RIMS2: variants seen among roughly 807,000 people sequenced by gnomAD.
RIMS2 encodes the protein regulating synaptic membrane exocytosis 2, also known as regulating synaptic membrane exocytosis protein 2.
Under a neutral mutation model 174.4 loss-of-function variants are expected in RIMS2, and 59 were observed. That is an observed-to-expected ratio of 0.34 (90% CI 0.27 to 0.42). The LOEUF (loss-of-function observed/expected upper bound fraction) is 0.42. Among genes scored for constraint, RIMS2 ranks in the 10% least tolerant of loss-of-function variants. The probability of loss-of-function intolerance (pLI) is 1.00; values close to 1 mark genes in which losing one functional copy is unlikely to be tolerated. For missense variants in RIMS2, 1,620 were observed against 1,666.3 expected, an observed-to-expected ratio of 0.97 and a Z score of 0.48; for synonymous variants, 606 against 572.5, an observed-to-expected ratio of 1.06 and a Z score of -0.84.
intron 2 of RIMS2, among the ~76,000 whole-genome samples, chr8:103,717,304 T>C (rs545759670): frequency 3.3e-4 from 42 of 126,304 alleles, no homozygotes; most frequent in Non-Finnish European, 5.4e-4. Flanking sequence ...TTCTTTTTCT[T>C]TCCTTAAAAA....
intron 2 of RIMS2, among the ~76,000 whole-genome samples, chr8:103,720,750 G>A (rs959434570): frequency 6.6e-6 from 1 of 152,146 alleles, no homozygotes; most frequent in Non-Finnish European, 1.5e-5. Flanking sequence ...AAGAATATAG[G>A]ACAAAATGAT....
At chr8:103,589,169 G>T (rs1366660259) in intron 1 of RIMS2, among the ~76,000 whole-genome samples, 1 of 151,554 alleles carries the variant, frequency 6.6e-6, no homozygotes, top group South Asian at 2.1e-4. Flanking sequence ...GACTCCACAA[G>T]AAAACTATTA....
At chr8:103,802,316 T>C (rs542143367) in intron 3 of RIMS2, among the ~76,000 whole-genome samples, 1 of 152,334 alleles carries the variant, frequency 6.6e-6, no homozygotes, top group South Asian at 2.1e-4. Context: ...ACAGATATTT[T>C]ACAGATATAT....
chr8:103,838,752 T>G (rs755360627), intron 3 of RIMS2, among the ~76,000 whole-genome samples: 7 of 152,172 alleles, frequency 4.6e-5, no homozygotes, highest in Non-Finnish European at 8.8e-5. Context: ...ATTGCGTGTT[T>G]CACTTCAGAA....
At chr8:103,584,706 G>A (rs575174791) in intron 1 of RIMS2, among the ~76,000 whole-genome samples, 30 of 152,212 alleles carry the variant, frequency 2.0e-4, no homozygotes, top group African/African-American at 6.7e-4. Context: ...GCCTCATGGT[G>A]ACTTCAATTC....
At chr8:103,936,332 T>G (rs535855856) in intron 12 of RIMS2, among the ~76,000 whole-genome samples, 1 of 152,246 alleles carries the variant, frequency 6.6e-6, no homozygotes, top group African/African-American at 2.4e-5. Flanking sequence ...AATTTAACAT[T>G]TATTGAAACA....
chr8:104,202,540 C>T (rs1038361782), intron 19 of RIMS2, among the ~76,000 whole-genome samples: 1 of 152,182 alleles, frequency 6.6e-6, no homozygotes, highest in African/African-American at 2.4e-5. Context: ...TCTCATAGTT[C>T]TTGAGGCTGA....
chr8:104,194,690 A>G (rs1050272012), intron 19 of RIMS2, among the ~76,000 whole-genome samples: 2 of 152,040 alleles, frequency 1.3e-5, no homozygotes, highest in African/African-American at 4.8e-5. Flanking sequence ...CATATTATAT[A>G]ACATAGTGTT....
At chr8:104,237,502 A>G (rs2099264720) in intron 19 of RIMS2, among the ~76,000 whole-genome samples, 1 of 152,180 alleles carries the variant, frequency 6.6e-6, no homozygotes, top group Non-Finnish European at 1.5e-5. Context: ...TTCATTGGAC[A>G]AACAAGTCAC....
intron 3 of RIMS2, among the ~76,000 whole-genome samples, chr8:103,790,893 C>T (rs1373374810): frequency 6.6e-6 from 1 of 152,128 alleles, no homozygotes; most frequent in Admixed American, 6.5e-5. Flanking sequence ...GAAAAATGAG[C>T]AAAGCCTCCA....
intron 13 of RIMS2, among the ~76,000 whole-genome samples, chr8:103,941,735 TTTTTC>T (rs1041927236): frequency 6.6e-6 from 1 of 152,168 alleles, no homozygotes; most frequent in East Asian, 1.9e-4. Flanking sequence ...CGTTCTTGTT[TTTTTC>T]TTTTCTTGTT....
At chr8:103,568,259 C>G (rs901094286) in intron 1 of RIMS2, among the ~76,000 whole-genome samples, 1 of 152,046 alleles carries the variant, frequency 6.6e-6, no homozygotes, top group Admixed American at 6.6e-5. Flanking sequence ...GATCCTGCTG[C>G]TGCACTCCAG....
intron 1 of RIMS2, among the ~76,000 whole-genome samples, chr8:103,522,402 T>C (rs917121244): frequency 6.6e-6 from 1 of 152,018 alleles, no homozygotes. Context: ...CTCGGTAAAA[T>C]AGAAGAAAAA....
At chr8:103,769,229 G>T (rs1293462668) in intron 3 of RIMS2, among the ~76,000 whole-genome samples, 2 of 152,148 alleles carry the variant, frequency 1.3e-5, no homozygotes, top group African/African-American at 2.4e-5. Context: ...ATTTCATCAG[G>T]AAGTTACGTG....
chr8:104,003,774 T>C (rs1218754951), intron 17 of RIMS2, among the ~76,000 whole-genome samples: 1 of 152,126 alleles, frequency 6.6e-6, no homozygotes. Context: ...CTGTAGGTTC[T>C]AGAGGTACTT....
chr8:103,609,350 CTTTAG>C (rs1018818197), intron 1 of RIMS2, among the ~76,000 whole-genome samples: 2 of 152,178 alleles, frequency 1.3e-5, no homozygotes, highest in African/African-American at 4.8e-5. Flanking sequence ...TACAGAACCT[CTTTAG>C]TTTAATTAAG....
chr8:103,545,473 T>A (rs991135495), intron 1 of RIMS2, among the ~76,000 whole-genome samples: 2 of 152,114 alleles, frequency 1.3e-5, no homozygotes, highest in African/African-American at 2.4e-5. Context: ...ATTCACAAAA[T>A]TTTCCCAACT....
intron 8 of RIMS2, 28 bp from the exon 12 acceptor site, chr8:103,918,413 T>C: frequency 5.1e-6 from 7 of 1,374,450 alleles, no homozygotes; most frequent in Non-Finnish European, 6.9e-6. Flanking sequence ...ACAGTTTCTG[T>C]CTTTCTTTTT....
chr8:104,006,958 C>G (rs569441408), intron 17 of RIMS2, among the ~76,000 whole-genome samples: 8 of 152,110 alleles, frequency 5.3e-5, no homozygotes, highest in Admixed American at 5.2e-4. Flanking sequence ...AGAGAAAAAA[C>G]TATCCCTGCT....
Sources: allele counts gnomAD v4.1 joint callset (sites outside exome capture counted in the v4.1 genomes callset), GRCh38; gene constraint gnomAD v4.1.1; transcripts MANE v1.5; gene names NCBI Gene and HGNC (gene_info 2026-07-23, HGNC 2026-07-21).